CHRNB2: variants seen among roughly 807,000 people sequenced by gnomAD.
CHRNB2 encodes the protein neuronal acetylcholine receptor subunit beta-2.
Under a neutral mutation model 42.7 loss-of-function variants are expected in CHRNB2, and 33 were observed. The ratio of observed to expected loss-of-function variants is 0.77; its 90% CI spans 0.59 to 1.03. CHRNB2 has a LOEUF of 1.03. Among genes scored for constraint, CHRNB2 ranks in the 50% least tolerant of loss-of-function variants. The pLI, the probability that CHRNB2 is intolerant of heterozygous loss-of-function variation, is 0.00. For missense variants in CHRNB2, 603 were observed against 700.9 expected, an observed-to-expected ratio of 0.86 and a Z score of 1.58; for synonymous variants, 325 against 292.9, an observed-to-expected ratio of 1.11 and a Z score of -1.12.
chr1:154,571,985 A>ACGTGCTT lies in CHRNB2; in HGVS notation c.1166_1172dup (p.Asn392LeufsTer17), dbSNP rs1305976635. The ACGTGCTT allele has an allele frequency of 1.3e-6, 2 of 1,537,552 alleles. No homozygotes were observed. The highest frequency in any genetic ancestry group is 1.7e-6 in the Non-Finnish European group (2 of 1,146,648). On this transcript the variant is annotated frameshift_variant, in exon 5 of 6. Coordinates refer to ENST00000368476, the MANE Select transcript of CHRNB2 (RefSeq NM_000748.3). LOFTEE classifies it high-confidence loss of function. The surrounding 1 kb of genome is among the most constrained non-coding windows in gnomAD (Gnocchi z 6.8). ...CGAAGCCCCAGGGGCCGACTCCTGC[A>ACGTGCTT]CGTGCTTCGTCAACCGCGCGTCGGT...
chr1:154,570,129 G>T, intron 3 of CHRNB2, 129 bp from the exon 4 acceptor site: 1 of 742,706 alleles, frequency 1.3e-6, no homozygotes, highest in South Asian at 1.5e-5. Flanking sequence ...GGGCAGAGAA[G>T]TCACTGTGGG....
chr1:154,568,170 G>A, intron 1 of CHRNB2, 62 bp downstream of exon 1: 2 of 1,525,592 alleles, frequency 1.3e-6, no homozygotes, highest in Non-Finnish European at 1.8e-6. Flanking sequence ...AAGACTCGCC[G>A]CCCTCTGACT....
At chr1:154,569,633 C>A in intron 2 of CHRNB2, 26 bp downstream of exon 2, 1 of 1,613,964 alleles carries the variant, frequency 6.2e-7, no homozygotes, top group Non-Finnish European at 8.5e-7. Context: ...AGGCTCTCTG[C>A]CCAGCTACTG....
rs141056449 is a variant in CHRNB2, at chr1:154,571,218, A to G, written c.395A>G (p.Tyr132Cys). The change falls in exon 5 of 6, where the codon TAT becomes TGT. Residue 132 changes from tyrosine (Y) to cysteine (C), a missense_variant. Transcript: ENST00000368476. The surrounding 1 kb of genome is among the most constrained non-coding windows in gnomAD (Gnocchi z 6.8). ...NADGMYEVSFYSNAVVSYDGS... is the reference protein window; with the variant it reads ...NADGMYEVSFCSNAVVSYDGS... The stretch of plus-strand genomic sequence containing the variant: ...GACGGCATGTACGAGGTGTCCTTCT[A>G]TTCCAATGCCGTGGTCTCCTATGAT... 17 of 1,614,020 alleles carry G rather than the reference A, an allele frequency of 1.1e-5. No individual in the cohort carries two copies. The highest frequency in any genetic ancestry group is 4.0e-5 in the African/African-American group (3 of 74,898).
chr1:154,568,060 G>A lies in CHRNB2; in HGVS notation c.16G>A (p.Gly6Ser). Residue 6 changes from glycine to serine, a missense_variant, in exon 1 of 6, where the codon GGC becomes AGC. Gly to Ser is a moderately conservative substitution (Grantham distance 56). Coordinates refer to ENST00000368476, the MANE Select transcript of CHRNB2 (RefSeq NM_000748.3). MARRC[G>S]PVALLLGFGL... ...TGCCCGCGGCATGGCCCGGCGCTGC[G>A]GCCCCGTGGCGCTGCTCCTTGGCTT... 2 of 1,600,786 alleles carry A rather than the reference G, an allele frequency of 1.2e-6. No homozygotes were observed. Among genetic ancestry groups the A allele is most frequent in the South Asian group, 2.2e-5 (2 of 88,918 alleles).
chr1:154,569,521 TA>T lies in CHRNB2; in HGVS notation c.125del (p.Tyr42SerfsTer15), dbSNP rs775016001. 1 of 1,614,028 alleles carries T rather than the reference TA, an allele frequency of 6.2e-7. No individual in the cohort carries two copies. The highest frequency in any genetic ancestry group is 8.5e-7 in the Non-Finnish European group (1 of 1,179,990). On this transcript the variant is annotated frameshift_variant, in exon 2 of 6. Coordinates refer to ENST00000368476, the MANE Select transcript of CHRNB2 (RefSeq NM_000748.3). LOFTEE classifies it high-confidence loss of function. ...LVEHLLDPSR[Y>X]NKLIRPATNG... Reference sequence around the variant, plus strand: ...GGAGCATCTCCTGGATCCTTCCCGCTACAACAAGCTTATCCGCCCAGCCACC... The same window carrying T: ...GGAGCATCTCCTGGATCCTTCCCGCTCAACAAGCTTATCCGCCCAGCCACC...
chr1:154,572,118 G>A lies in CHRNB2; in HGVS notation c.1295G>A (p.Arg432His). 2.0e-6 allele frequency: 3 copies of A among 1,537,498 alleles called. No homozygotes were observed. The highest frequency in any genetic ancestry group is 2.6e-6 in the Non-Finnish European group (3 of 1,146,650). Residue 432 changes from arginine to histidine, a missense_variant, in exon 5 of 6, where the codon CGC becomes CAC. Arg to His is a conservative substitution (Grantham distance 29). Around this residue, in one of 2 missense-constraint regions of CHRNB2, gnomAD observed 270 missense variants for 248.3 expected, o/e 1.09. Coordinates refer to ENST00000368476, the MANE Select transcript of CHRNB2 (RefSeq NM_000748.3). ...CTCCGGGAGGCGGTGGACGGCGTGCGCTTCATCGCAGACCACATGCGGAGC... is the reference window on the plus strand; with the variant it reads ...CTCCGGGAGGCGGTGGACGGCGTGCACTTCATCGCAGACCACATGCGGAGC... The part of the protein sequence containing the change: ...CGLREAVDGV[R>H]FIADHMRSED...
In CHRNB2 at chr1:154,570,248, C is replaced by T. The variant is rs1696137209; in HGVS notation, c.256-10C>T. The stretch of plus-strand genomic sequence containing the variant: ...ACAAGTTGGTACTGCCTCCCTCTCT[C>T]ATTTCCCAGGAGTGGGAAGATTATC... On this transcript the variant is annotated splice_polypyrimidine_tract_variant and intron_variant, in intron 3 of 5. Coordinates refer to ENST00000368476, the MANE Select transcript of CHRNB2 (RefSeq NM_000748.3). 1 of 1,588,068 alleles carries T rather than the reference C, an allele frequency of 6.3e-7. No homozygotes were observed. Among genetic ancestry groups the T allele is most frequent in the Non-Finnish European group, 8.6e-7 (1 of 1,159,164 alleles).
Position 154,568,051 on chromosome 1 carries a change from C to CGGCGCTGCGGCCCCGT in CHRNB2, c.16_31dup (p.Leu11ArgfsTer49). 2 of 1,597,022 alleles carry CGGCGCTGCGGCCCCGT rather than the reference C, an allele frequency of 1.3e-6. No individual in the cohort carries two copies. The highest frequency in any genetic ancestry group is 1.7e-6 in the Non-Finnish European group (2 of 1,173,852). ...AGCGAGCTATGCCCGCGGCATGGCC[C>CGGCGCTGCGGCCCCGT]GGCGCTGCGGCCCCGTGGCGCTGCT... is the stretch of plus-strand genomic sequence containing the variant. On this transcript the variant is annotated frameshift_variant, in exon 1 of 6. Coordinates refer to ENST00000368476, the MANE Select transcript of CHRNB2 (RefSeq NM_000748.3). LOFTEE classifies it high-confidence loss of function.
chr1:154,569,810 A>G lies in CHRNB2; in HGVS notation c.229A>G (p.Met77Val). 1 of 1,614,092 alleles carries G rather than the reference A, an allele frequency of 6.2e-7. No individual in the cohort carries two copies. Residue 77 changes from methionine (M) to valine (V), a missense_variant, in exon 3 of 6, where the codon ATG (methionine) becomes GTG (valine). Coordinates refer to ENST00000368476, the MANE Select transcript of CHRNB2 (RefSeq NM_000748.3). ...CCTGCAGCATGAGCGGGAGCAGATCATGACCACCAATGTCTGGCTGACCCA... is the reference window on the plus strand; with the variant it reads ...CCTGCAGCATGAGCGGGAGCAGATCGTGACCACCAATGTCTGGCTGACCCA... ...LISVHEREQIMTTNVWLTQEW... is the reference protein window; with the variant it reads ...LISVHEREQIVTTNVWLTQEW...
At position 154,569,358 on chromosome 1, in the gene CHRNB2, G is replaced by A. The variant is rs1696118434; in HGVS notation, c.65-104G>A. On this transcript the variant is annotated intron_variant, in intron 1 of 5. Coordinates refer to ENST00000368476, the MANE Select transcript of CHRNB2 (RefSeq NM_000748.3). Reference sequence around the variant, plus strand: ...TTTGCAGTATCCTTAGGGATGTAGGGAGATACTGGTTGGGCCTGGATTGTC... The same window carrying A: ...TTTGCAGTATCCTTAGGGATGTAGGAAGATACTGGTTGGGCCTGGATTGTC... The A allele has an allele frequency of 3.7e-6, 5 of 1,334,918 alleles. No individual in the cohort carries two copies. The South Asian group carries it at 6.2e-5, about 16-fold the overall frequency. 82.7% of individuals were successfully genotyped at this position (1,334,918 alleles called of 1,614,324 possible). A position where few individuals can be genotyped will look rare whatever the true frequency, so the allele number is the denominator to read the frequency against.
chr1:154,574,381 C>A (rs1186110631), intron 5 of CHRNB2, among the ~76,000 whole-genome samples: 1 of 152,182 alleles, frequency 6.6e-6, no homozygotes, highest in Non-Finnish European at 1.5e-5. Flanking sequence ...GCATCACCCC[C>A]CACCCTCATC....
At chr1:154,570,785 CTGA>C (rs1696148386) in intron 4 of CHRNB2, among the ~76,000 whole-genome samples, 1 of 152,206 alleles carries the variant, frequency 6.6e-6, no homozygotes, top group African/African-American at 2.4e-5. Flanking sequence ...CCTTCCTCAA[CTGA>C]TGGGACCATG....
rs538508561 is a variant in CHRNB2 at position 154,571,282 on chromosome 1, C to G, written c.459C>G (p.Ser153Arg). 2 of 1,614,226 alleles carry G rather than the reference C, an allele frequency of 1.2e-6. No homozygotes were observed. Among genetic ancestry groups the G allele is most frequent in the Non-Finnish European group, 8.5e-7 (1 of 1,180,048 alleles). The change falls in exon 5 of 6, where the codon AGC becomes AGG. Residue 153 changes from serine to arginine, a missense_variant. Coordinates refer to ENST00000368476, the MANE Select transcript of CHRNB2 (RefSeq NM_000748.3). This position sits in a 1 kb window ranked among gnomAD's most constrained non-coding sequence, Gnocchi z 6.8. The stretch of plus-strand genomic sequence containing the variant: ...GGCTGCCGCCTGCCATCTACAAGAG[C>G]GCATGCAAGATTGAAGTAAAGCACT... ...IFWLPPAIYK[S>R]ACKIEVKHFP...
Position 154,570,351 on chromosome 1 carries a change from G to A in CHRNB2, c.349G>A (p.Val117Met). ...TTCCAAACACATCTGGCTCCCAGATGTGGTCCTGTACAACAAGTAGGTGCA... is the reference window on the plus strand; with the variant it reads ...TTCCAAACACATCTGGCTCCCAGATATGGTCCTGTACAACAAGTAGGTGCA... ...LPSKHIWLPD[V>M]VLYNNADGMY... Residue 117 changes from valine to methionine, a missense_variant, in exon 4 of 6, where the codon GTG becomes ATG. Transcript: ENST00000368476. 4 of 1,608,950 alleles carry A rather than the reference G, an allele frequency of 2.5e-6. No individual in the cohort carries two copies. The highest frequency in any genetic ancestry group is 2.5e-6 in the Non-Finnish European group (3 of 1,176,508).
chr1:154,568,522 G>C (rs375790278), intron 1 of CHRNB2, among the ~76,000 whole-genome samples: 2 of 152,090 alleles, frequency 1.3e-5, no homozygotes, highest in East Asian at 3.9e-4. Flanking sequence ...GCTCCCCATC[G>C]TTTCCCATCC....
At chr1:154,570,114 C>T in intron 3 of CHRNB2, 144 bp from the exon 4 acceptor site, 1 of 723,192 alleles carries the variant, frequency 1.4e-6, no homozygotes, top group Non-Finnish European at 2.5e-6. Context: ...TGAGCCATAC[C>T]TGATGGGCAG....
rs897642732 is a variant in CHRNB2 at position 154,579,775 on chromosome 1, T to A, written c.*3843T>A. The A allele has an allele frequency of 6.6e-6, 1 of 152,392 alleles. No individual in the cohort carries two copies. Among genetic ancestry groups the A allele is most frequent in the Non-Finnish European group, 1.5e-5 (1 of 68,190 alleles). The allele number at this position is 152,392 out of a possible 1,614,324, so 9.4% of individuals were successfully genotyped here. On this transcript the variant is annotated 3_prime_UTR_variant, in exon 6 of 6. Transcript: ENST00000368476. ...GCCCCCATCTTCCCCACACTGCCCT[T>A]GGCCTCCCCGCTCTGCACGCCTGGA...
chr1:154,572,440 A>G (rs1696194524), intron 5 of CHRNB2, among the ~76,000 whole-genome samples: 1 of 152,110 alleles, frequency 6.6e-6, no homozygotes, highest in South Asian at 2.1e-4. Flanking sequence ...GGGCATCGTT[A>G]TATGGGCAGG....
Sources: allele counts gnomAD v4.1 joint callset (sites outside exome capture counted in the v4.1 genomes callset), GRCh38; gene constraint gnomAD v4.1.1; regional missense constraint gnomAD v4.1.1; non-coding constraint Gnocchi (gnomAD v3.1); transcripts MANE v1.5; gene names NCBI Gene and HGNC (gene_info 2026-07-23, HGNC 2026-07-21).